SH3PXD2B: variants seen among roughly 807,000 people sequenced by gnomAD.
SH3PXD2B encodes SH3 and PX domain-containing protein 2B.
A neutral mutation model predicts 73.1 loss-of-function variants in SH3PXD2B; 37 were observed. The observed-to-expected ratio is 0.51, with a 90% confidence interval of 0.39 to 0.67. SH3PXD2B has a LOEUF of 0.67. Among genes scored for constraint, SH3PXD2B ranks in the 30% least tolerant of loss-of-function variants. SH3PXD2B has a pLI of 0.00. For synonymous variants in SH3PXD2B, 457 were observed against 480.5 expected (o/e 0.95, Z 0.64); for missense variants, 1,053 against 1,197.8 (o/e 0.88, Z 1.78).
At chr5:172,369,357 T>C (rs111377314) in intron 6 of SH3PXD2B, among the ~76,000 whole-genome samples, 217 of 152,274 alleles carry the variant, frequency 1.4e-3, no homozygotes, top group African/African-American at 5.1e-3. Flanking sequence ...ATGTGGCCTA[T>C]AAAGGCTAAC....
chr5:172,403,320 C>T (rs1758475656), intron 3 of SH3PXD2B, among the ~76,000 whole-genome samples: 1 of 152,230 alleles, frequency 6.6e-6, no homozygotes, highest in Non-Finnish European at 1.5e-5. Flanking sequence ...TTTGTGCTAA[C>T]ATGAGACTTG....
intron 1 of SH3PXD2B, among the ~76,000 whole-genome samples, chr5:172,436,485 T>G (rs1184198632): frequency 6.6e-6 from 1 of 152,224 alleles, no homozygotes; most frequent in African/African-American, 2.4e-5. Flanking sequence ...AACCCTCTTC[T>G]AGACTATCCT....
chr5:172,352,680 A>G lies in SH3PXD2B; in HGVS notation c.785+1208T>C, dbSNP rs146534424. Among the ~76,000 whole-genome samples the G allele has an allele frequency of 2.7e-3, 409 of 152,280 alleles. 2 individuals carry two copies. The highest frequency in any genetic ancestry group is 9.2e-3 in the African/African-American group (384 of 41,542). On this transcript the variant is annotated intron_variant, in intron 9 of 12. Transcript: ENST00000311601. ...TCCCATGCTATTCTCGTGATAGTGA[A>G]TAAGTCTCACAAGATCTGATGGATT...
At chr5:172,381,263 G>A (rs1411432030) in intron 5 of SH3PXD2B, among the ~76,000 whole-genome samples, 1 of 151,844 alleles carries the variant, frequency 6.6e-6, no homozygotes, top group Non-Finnish European at 1.5e-5. Flanking sequence ...AGCCCTTCTC[G>A]AATGAGCCCA....
rs1434413742 is a variant in SH3PXD2B, at chr5:172,421,934, AAT to A, written c.156+480_156+481del. On this transcript the variant is annotated intron_variant, in intron 2 of 12. Coordinates refer to ENST00000311601, the MANE Select transcript of SH3PXD2B (RefSeq NM_001017995.3). This position sits in a 1 kb window ranked among gnomAD's most constrained non-coding sequence, Gnocchi z 4.0. ...CAGGCACCCTTTCTCTTATGGAGGA[AAT>A]ATGAAATATCAAAGCATAAAGCAAC... is the stretch of plus-strand genomic sequence containing the variant. Among the ~76,000 whole-genome samples, 2 of 152,252 alleles carry A rather than the reference AAT, an allele frequency of 1.3e-5. No individual in the cohort carries two copies. The highest frequency in any genetic ancestry group is 4.8e-5 in the African/African-American group (2 of 41,464).
intron 12 of SH3PXD2B, among the ~76,000 whole-genome samples, chr5:172,325,676 G>A (rs1756434061): frequency 6.6e-6 from 1 of 152,232 alleles, no homozygotes; most frequent in African/African-American, 2.4e-5. Flanking sequence ...CACTTCCTCT[G>A]TCAAGCCCCT....
intron 12 of SH3PXD2B, among the ~76,000 whole-genome samples, chr5:172,341,026 C>A (rs1056310766): frequency 6.6e-6 from 1 of 152,180 alleles, no homozygotes; most frequent in African/African-American, 2.4e-5. Context: ...GTGGGATACA[C>A]GCCTGTTGGC....
Position 172,394,579 on chromosome 5 carries a change from A to T in SH3PXD2B, c.293T>A (p.Ile98Asn). 6.2e-7 allele frequency: 1 copy of T among 1,614,142 alleles called. No individual in the cohort carries two copies. Residue 98 changes from isoleucine to asparagine, a missense_variant, in exon 4 of 13, where the codon ATT (isoleucine) becomes AAT (asparagine). Ile to Asn is a moderately radical substitution (Grantham distance 149). Transcript: ENST00000311601. ...CAGCCTTACCTTACAGTATTCATCA[A>T]TTGGTATCAGGCGTTTGACAGCCAC... ...RDVAVKRLIP[I>N]DEYCKALIQL... is the part of the protein sequence containing the mutation.
At chr5:172,394,526 C>G (rs1206589098) in intron 4 of SH3PXD2B, 37 bp downstream of exon 4, 1 of 1,606,410 alleles carries the variant, frequency 6.2e-7, no homozygotes, top group Non-Finnish European at 8.5e-7. Flanking sequence ...CAGAATACAC[C>G]TACAGGGAAG....
intron 2 of SH3PXD2B, among the ~76,000 whole-genome samples, chr5:172,417,581 TGGCCA>T (rs1459350507): frequency 5.3e-5 from 8 of 152,228 alleles, no homozygotes; most frequent in Admixed American, 2.6e-4. Flanking sequence ...CAAGATCTCA[TGGCCA>T]GCAAGTGGCA....
intron 2 of SH3PXD2B, among the ~76,000 whole-genome samples, chr5:172,407,773 G>C (rs1758594811): frequency 6.6e-6 from 1 of 152,240 alleles, no homozygotes; most frequent in African/African-American, 2.4e-5. Flanking sequence ...AGAGAACAGA[G>C]ATATGTATAC....
At chr5:172,419,800 G>C (rs932855779) in intron 2 of SH3PXD2B, among the ~76,000 whole-genome samples, 1 of 152,092 alleles carries the variant, frequency 6.6e-6, no homozygotes, top group African/African-American at 2.4e-5. Flanking sequence ...TTATTGTTCT[G>C]TACCTCCTCT....
chr5:172,338,802 G>A lies in SH3PXD2B; in HGVS notation c.2303C>T (p.Thr768Ile), dbSNP rs369009969. ...PPRRPPPPKK[T>I]SSSSRPLPEV... The stretch of plus-strand genomic sequence containing the variant: ...TGGGAGCGGCCTGGATGACGAAGAG[G>A]TTTTCTTTGGGGGAGGTGGTCTGCG... Residue 768 changes from threonine to isoleucine, a missense_variant, in exon 13 of 13, where the codon ACC becomes ATC. Coordinates refer to ENST00000311601, the MANE Select transcript of SH3PXD2B (RefSeq NM_001017995.3). The surrounding 1 kb of genome is among the most constrained non-coding windows in gnomAD (Gnocchi z 5.1). 5 of 1,614,064 alleles carry A rather than the reference G, an allele frequency of 3.1e-6. No homozygotes were observed. The highest frequency in any genetic ancestry group is 1.7e-5 in the Admixed American group (1 of 60,012).
chr5:172,362,998 G>A, intron 6 of SH3PXD2B, 129 bp from the exon 7 acceptor site: 1 of 1,235,410 alleles, frequency 8.1e-7, no homozygotes, highest in Admixed American at 1.8e-5. Context: ...CATCTCAAGG[G>A]TGACTTCATC....
intron 9 of SH3PXD2B, among the ~76,000 whole-genome samples, chr5:172,352,650 G>A (rs568628701): frequency 1.9e-4 from 29 of 152,320 alleles, no homozygotes; most frequent in African/African-American, 6.3e-4. Context: ...ATGGGGGCCA[G>A]TCTTTCCCAT....
At chr5:172,431,434 T>C (rs1490347878) in intron 1 of SH3PXD2B, among the ~76,000 whole-genome samples, 1 of 152,176 alleles carries the variant, frequency 6.6e-6, no homozygotes, top group African/African-American at 2.4e-5. Context: ...AGTTCCTGCT[T>C]CCCAGGCCTG....
In SH3PXD2B at chr5:172,338,572, G is replaced by A; in HGVS notation, c.2533C>T (p.Pro845Ser). The A allele has an allele frequency of 1.2e-6, 2 of 1,614,146 alleles. No individual in the cohort carries two copies. Among genetic ancestry groups the A allele is most frequent in the East Asian group, 2.2e-5 (1 of 44,876 alleles). Reference sequence around the variant, plus strand: ...GAGTCCTTCAGGCCGTCGGCATTGGGGACAGAGGCTGCAGCTGCTTTCTCC... The same window carrying A: ...GAGTCCTTCAGGCCGTCGGCATTGGAGACAGAGGCTGCAGCTGCTTTCTCC... ...NREKAAAASV[P>S]NADGLKDSLY... Residue 845 changes from proline to serine, a missense_variant, in exon 13 of 13, where the codon CCC (proline) becomes TCC (serine). Physicochemically the swap from Pro to Ser is moderately conservative, Grantham distance 74. This residue lies in a region of SH3PXD2B where 587 missense variants were observed against 590.7 expected (regional missense o/e 0.99). Transcript: ENST00000311601. The surrounding 1 kb of genome is among the most constrained non-coding windows in gnomAD (Gnocchi z 5.1).
chr5:172,433,594 C>T (rs899854014), intron 1 of SH3PXD2B, among the ~76,000 whole-genome samples: 2 of 152,186 alleles, frequency 1.3e-5, no homozygotes, highest in South Asian at 4.1e-4. Flanking sequence ...CCAAGGAGCC[C>T]CTGCCGGGTG....
At chr5:172,397,731 C>T (rs541428675) in intron 3 of SH3PXD2B, among the ~76,000 whole-genome samples, 74 of 152,300 alleles carry the variant, frequency 4.9e-4, no homozygotes, top group African/African-American at 1.5e-3. Context: ...TGTGGGAACC[C>T]AATTCCCTTT....
Sources: gnomAD v4.1 joint callset for allele counts (sites outside exome capture counted in the v4.1 genomes callset) on GRCh38, gnomAD v4.1.1 for gene constraint, gnomAD v4.1.1 regional missense constraint, Gnocchi (gnomAD v3.1) non-coding constraint, MANE v1.5 for transcripts, NCBI Gene and HGNC (gene_info 2026-07-23, HGNC 2026-07-21) for gene names.